Variants in SCN10A observed in about 807,000 individuals in gnomAD.
The protein encoded by SCN10A is sodium channel protein type 10 subunit alpha.
SCN10A carries 162 observed loss-of-function variants against 170.7 expected under a neutral mutation model. The ratio of observed to expected loss-of-function variants is 0.95; its 90% CI spans 0.84 to 1.08. SCN10A has a LOEUF of 1.08. SCN10A is among the 50% of genes least tolerant of loss of function. SCN10A has a pLI of 0.00. For missense variants in SCN10A, 2,527 were observed against 2,436.9 expected (o/e 1.04, Z -0.78); for synonymous variants, 985 against 904.6 (o/e 1.09, Z -1.59).
Position 38,793,715 on chromosome 3 carries a change from C to T in SCN10A, c.270+26G>A, listed in dbSNP as rs186473085. ...AGACTTCCTCTCCAAGAGCTGAGAG[C>T]AGACATTCCTACTAGTAGCTCTTAC... is the stretch of plus-strand genomic sequence containing the variant. On this transcript the variant is annotated intron_variant, in intron 2 of 27. Transcript: ENST00000449082. 447 of 1,601,294 alleles carry T rather than the reference C, an allele frequency of 2.8e-4. 3 individuals are homozygous for T. The East Asian group carries it at 9.1e-3, about 32-fold the overall frequency.
chr3:38,812,534 A>C (rs1177262064), intron 1 of SCN10A, among the ~76,000 whole-genome samples: 1 of 152,142 alleles, frequency 6.6e-6, no homozygotes, highest in Non-Finnish European at 1.5e-5. Context: ...AAACATATGC[A>C]AACACCTGTG....
At chr3:38,758,218 G>A (rs941026425) in intron 8 of SCN10A, among the ~76,000 whole-genome samples, 1 of 152,090 alleles carries the variant, frequency 6.6e-6, no homozygotes, top group African/African-American at 2.4e-5. Flanking sequence ...TCTCCACTTC[G>A]ATTGAAGATT....
chr3:38,705,400 T>G (rs2063199628), intron 26 of SCN10A, among the ~76,000 whole-genome samples: 1 of 152,126 alleles, frequency 6.6e-6, no homozygotes, highest in African/African-American at 2.4e-5. Context: ...CCCCTCCACA[T>G]GTGGAGGTCT....
rs774106005 is a variant in SCN10A, at chr3:38,698,149, C to A, written c.5071G>T (p.Asp1691Tyr). The stretch of plus-strand genomic sequence containing the variant: ...ATGCCTACGGCTGGGCTCCCACAGT[C>A]CCCTCTGGTGCCATTGCTGTTGGGC... The part of the protein sequence containing the change: ...NLPNSNGTRG[D>Y]CGSPAVGIIF... Residue 1691 changes from aspartate to tyrosine, a missense_variant, in exon 28 of 28, where the codon GAC becomes TAC. Transcript: ENST00000449082. The A allele has an allele frequency of 1.2e-6, 2 of 1,614,136 alleles. No homozygotes were observed. The highest frequency in any genetic ancestry group is 2.7e-5 in the African/African-American group (2 of 75,016).
intron 13 of SCN10A, among the ~76,000 whole-genome samples, chr3:38,743,730 C>T (rs1448422076): frequency 6.6e-6 from 1 of 152,160 alleles, no homozygotes; most frequent in Non-Finnish European, 1.5e-5. Context: ...GTTTTTGTCT[C>T]CCTTTTCCTT....
intron 17 of SCN10A, among the ~76,000 whole-genome samples, chr3:38,725,930 A>G (rs181462461): frequency 2.0e-3 from 305 of 152,332 alleles, no homozygotes; most frequent in Non-Finnish European, 2.6e-3. Context: ...GACTCAAAGC[A>G]CAGCTTTTCT....
At chr3:38,781,901 T>A (rs2064143441) in intron 4 of SCN10A, among the ~76,000 whole-genome samples, 1 of 152,148 alleles carries the variant, frequency 6.6e-6, no homozygotes, top group East Asian at 1.9e-4. Flanking sequence ...TACAAATATA[T>A]AGATTACTAA....
rs145589241 is a variant in SCN10A, at chr3:38,697,971, T to C, written c.5249A>G (p.Lys1750Arg). ...DFDMFYETWE[K>R]FDPEATQFIT... is the part of the protein sequence containing the mutation. ...AAACTGAGTGGCCTCTGGGTCAAAC[T>C]TCTCCCAGGTCTCATAGAACATGTC... Residue 1750 changes from lysine (K) to arginine (R), a missense_variant, in exon 28 of 28, where the codon AAG becomes AGG. Physicochemically the swap from Lys to Arg is conservative, Grantham distance 26 (BLOSUM62 2). Coordinates refer to ENST00000449082, the MANE Select transcript of SCN10A (RefSeq NM_006514.4). The C allele has an allele frequency of 8.1e-6, 13 of 1,614,062 alleles. No individual in the cohort carries two copies. Among genetic ancestry groups the C allele is most frequent in the Non-Finnish European group, 1.0e-5 (12 of 1,180,036 alleles).
chr3:38,790,055 T>C (rs1224217583), intron 3 of SCN10A, among the ~76,000 whole-genome samples: 1 of 152,146 alleles, frequency 6.6e-6, no homozygotes, highest in Non-Finnish European at 1.5e-5. Flanking sequence ...ACACATCTAT[T>C]ATGAAAAGGA....
chr3:38,752,950 A>T (rs2063765487), intron 11 of SCN10A, among the ~76,000 whole-genome samples: 2 of 152,218 alleles, frequency 1.3e-5, no homozygotes, highest in Non-Finnish European at 2.9e-5. Context: ...TGGTTGTTGA[A>T]TGAATAAGTG....
At chr3:38,804,221 C>T (rs13080680) in intron 1 of SCN10A, among the ~76,000 whole-genome samples, 17,469 of 152,152 alleles carry the variant, frequency 0.11, 1,119 homozygotes, top group African/African-American at 0.16. Flanking sequence ...AATATTGCCT[C>T]TGTTTTTCAA....
chr3:38,786,489 G>A (rs2064204458), intron 4 of SCN10A, among the ~76,000 whole-genome samples: 1 of 152,020 alleles, frequency 6.6e-6, no homozygotes, highest in Admixed American at 6.6e-5. Context: ...GGGGTTGGGG[G>A]CTAGGGGAGG....
At chr3:38,809,225 G>C (rs984655048) in intron 1 of SCN10A, among the ~76,000 whole-genome samples, 2 of 152,156 alleles carry the variant, frequency 1.3e-5, no homozygotes, top group Non-Finnish European at 2.9e-5. Context: ...AAATGTGATT[G>C]GTCTGTTTAG....
In SCN10A at chr3:38,739,681, G is replaced by C. The variant is rs1559435378; in HGVS notation, c.2114C>G (p.Thr705Ser). ...GACCATTTCAGCAGTAAAAAATATGGTAAAGACCTAGGAGTGGAAACAAGC... is the reference window on the plus strand; with the variant it reads ...GACCATTTCAGCAGTAAAAAATATGCTAAAGACCTAGGAGTGGAAACAAGC... ...AMLQIGNIVF[T>S]IFFTAEMVFK... is the part of the protein sequence containing the mutation. Residue 705 changes from threonine (T) to serine (S), a missense_variant, in exon 15 of 28, where the codon ACC becomes AGC. Physicochemically the swap from Thr to Ser is moderately conservative, Grantham distance 58. Coordinates refer to ENST00000449082, the MANE Select transcript of SCN10A (RefSeq NM_006514.4). 6.2e-7 allele frequency: 1 copy of C among 1,613,720 alleles called. No homozygotes were observed. Among genetic ancestry groups the C allele is most frequent in the Non-Finnish European group, 8.5e-7 (1 of 1,179,700 alleles).
chr3:38,768,310 T>A (rs1281553340), intron 5 of SCN10A, among the ~76,000 whole-genome samples: 2 of 152,096 alleles, frequency 1.3e-5, no homozygotes, highest in African/African-American at 2.4e-5. Context: ...TTCCTTTTTT[T>A]ATTGTGTTAT....
At chr3:38,784,294 C>T (rs930946813) in intron 4 of SCN10A, among the ~76,000 whole-genome samples, 8 of 152,014 alleles carry the variant, frequency 5.3e-5, no homozygotes, top group African/African-American at 1.2e-4. Flanking sequence ...ACGATCAAGT[C>T]GGCTTCATAC....
intron 20 of SCN10A, among the ~76,000 whole-genome samples, chr3:38,719,487 A>G (rs939537107): frequency 3.7e-4 from 52 of 141,498 alleles, no homozygotes; most frequent in South Asian, 4.5e-4. Flanking sequence ...TCTGCCTCCC[A>G]GGTTCACGCC....
intron 1 of SCN10A, among the ~76,000 whole-genome samples, chr3:38,800,096 G>T (rs1036430956): frequency 6.6e-6 from 1 of 152,144 alleles, no homozygotes; most frequent in Non-Finnish European, 1.5e-5. Context: ...CATCACAGAT[G>T]GGTAAAGCAG....
intron 11 of SCN10A, among the ~76,000 whole-genome samples, chr3:38,753,601 C>T (rs776696997): frequency 6.6e-6 from 1 of 152,120 alleles, no homozygotes; most frequent in Non-Finnish European, 1.5e-5. Context: ...GCCTGTAATA[C>T]ATGCCCAAGG....
Sources: allele counts gnomAD v4.1 joint callset (sites outside exome capture counted in the v4.1 genomes callset), GRCh38; gene constraint gnomAD v4.1.1; transcripts MANE v1.5; gene names NCBI Gene and HGNC (gene_info 2026-07-23, HGNC 2026-07-21).